NRIP3: variants seen among roughly 807,000 people sequenced by gnomAD.
NRIP3 encodes the protein nuclear receptor-interacting protein 3.
In NRIP3, 31 loss-of-function variants were observed where a neutral mutation model predicts 29.0. That is an observed-to-expected ratio of 1.07 (90% CI 0.80 to 1.44). The LOEUF is 1.44. NRIP3 is among the 40% of genes most tolerant of loss of function. The probability of loss-of-function intolerance (pLI) is 0.00; values close to 1 mark genes in which losing one functional copy is unlikely to be tolerated. For missense variants in NRIP3, 314 were observed against 297.9 expected (o/e 1.05, Z -0.40); for synonymous variants, 131 against 118.3 (o/e 1.11, Z -0.70).
chr11:8,991,414 A>T (rs1234446829), intron 1 of NRIP3, among the ~76,000 whole-genome samples: 2 of 152,248 alleles, frequency 1.3e-5, no homozygotes, highest in African/African-American at 2.4e-5. Flanking sequence ...CAACAAACCC[A>T]TATGAACCTC....
At chr11:8,992,481 G>C (rs2134919059) in intron 1 of NRIP3, among the ~76,000 whole-genome samples, 1 of 152,234 alleles carries the variant, frequency 6.6e-6, no homozygotes, top group East Asian at 1.9e-4. Context: ...TGAAATTTTG[G>C]AATAGCATTG....
rs768480250 is a variant in NRIP3, at chr11:8,988,186, G to C, written c.271C>G (p.Leu91Val). 4.3e-6 allele frequency: 7 copies of C among 1,614,068 alleles called. No individual in the cohort carries two copies. Among genetic ancestry groups the C allele is most frequent in the African/African-American group, 1.3e-5 (1 of 74,922 alleles). Residue 91 changes from leucine (L) to valine (V), a missense_variant, in exon 2 of 7, where the codon CTC (leucine) becomes GTC (valine). Leu to Val is a conservative substitution (Grantham distance 32). Transcript: ENST00000309166. ...RVPWASKTNKLNQAKSEGLKK... is the reference protein window; with the variant it reads ...RVPWASKTNKVNQAKSEGLKK... Reference sequence around the variant, plus strand: ...AGCCCCTCAGACTTAGCCTGATTGAGTTTGTTCGTCTTAGAGGCCCAAGGG... The same window carrying C: ...AGCCCCTCAGACTTAGCCTGATTGACTTTGTTCGTCTTAGAGGCCCAAGGG...
intron 1 of NRIP3, among the ~76,000 whole-genome samples, chr11:8,996,130 G>A (rs1854699637): frequency 6.6e-6 from 1 of 151,968 alleles, no homozygotes; most frequent in Non-Finnish European, 1.5e-5. Flanking sequence ...GTATTTACTT[G>A]TTTATATTTC....
At chr11:9,004,169 C>T, upstream of NRIP3, 2 of 365,054 alleles carry the variant, frequency 5.5e-6, no homozygotes, top group Non-Finnish European at 9.7e-6. Flanking sequence ...GCAAAGCCGG[C>T]GAGGAGGCGG....
chr11:8,994,755 C>G (rs1390321435), intron 1 of NRIP3, among the ~76,000 whole-genome samples: 1 of 152,184 alleles, frequency 6.6e-6, no homozygotes, highest in African/African-American at 2.4e-5. Flanking sequence ...CTGTTCCTGT[C>G]TCTCTCACTG....
rs1435920094 is a variant in NRIP3, at chr11:8,981,991, T to C, written c.*1554A>G. On this transcript the variant is annotated 3_prime_UTR_variant, in exon 7 of 7. Coordinates refer to ENST00000309166, the MANE Select transcript of NRIP3 (RefSeq NM_020645.3). ...GGCAGTTGCTGAACACCAGACAAGG[T>C]AGTTGGTAGTACTTGGCAAAGTTCA... 2 of 152,184 alleles carry C rather than the reference T, an allele frequency of 1.3e-5. No homozygotes were observed. Among genetic ancestry groups the C allele is most frequent in the Non-Finnish European group, 2.9e-5 (2 of 68,050 alleles). 9.4% of individuals were successfully genotyped at this position (152,184 alleles called of 1,614,324 possible). A position where few individuals can be genotyped will look rare whatever the true frequency, so the allele number is the denominator to read the frequency against.
intron 4 of NRIP3, 102 bp from the exon 5 acceptor site, chr11:8,984,226 A>C: frequency 1.3e-6 from 1 of 754,868 alleles, no homozygotes; most frequent in Non-Finnish European, 2.3e-6. Context: ...AATAACATCC[A>C]ATAAACATAT....
chr11:8,998,894 C>T (rs1266850322), intron 1 of NRIP3, among the ~76,000 whole-genome samples: 1 of 146,790 alleles, frequency 6.8e-6, no homozygotes, highest in East Asian at 2.2e-4. Flanking sequence ...CCTGGGTTCA[C>T]ACCATTCTCC....
chr11:9,000,298 A>G (rs1398355620), intron 1 of NRIP3, among the ~76,000 whole-genome samples: 2 of 152,192 alleles, frequency 1.3e-5, no homozygotes, highest in Non-Finnish European at 2.9e-5. Context: ...TCTTGGTGTT[A>G]TACTGGTATT....
chr11:9,004,130 C>G, upstream of NRIP3: 3 of 424,722 alleles, frequency 7.1e-6, no homozygotes, highest in African/African-American at 4.1e-5. Flanking sequence ...TCCCGCGTCC[C>G]GCGTCCCGCG....
chr11:9,002,633 A>C (rs1382161305), intron 1 of NRIP3, among the ~76,000 whole-genome samples: 1 of 150,750 alleles, frequency 6.6e-6, no homozygotes, highest in Non-Finnish European at 1.5e-5. Context: ...ATGGATGCAG[A>C]AGCTCTGCCC....
intron 1 of NRIP3, among the ~76,000 whole-genome samples, chr11:9,003,440 A>G (rs1854845774): frequency 6.6e-6 from 1 of 152,202 alleles, no homozygotes; most frequent in African/African-American, 2.4e-5. Context: ...CCCCGTGAAC[A>G]AAATTCGGTA....
chr11:8,995,580 C>T (rs1159997913), intron 1 of NRIP3, among the ~76,000 whole-genome samples: 1 of 152,192 alleles, frequency 6.6e-6, no homozygotes, highest in African/African-American at 2.4e-5. Context: ...CTAATCCAAA[C>T]CACTATAATT....
chr11:8,984,006 G>A, intron 5 of NRIP3, 37 bp from the exon 6 acceptor site: 2 of 1,604,092 alleles, frequency 1.2e-6, no homozygotes, highest in Non-Finnish European at 1.7e-6. Context: ...ACCACTATGA[G>A]TTCCTGTGTA....
At chr11:8,987,699 A>C in intron 2 of NRIP3, 69 bp from the exon 3 acceptor site, 1 of 1,157,806 alleles carries the variant, frequency 8.6e-7, no homozygotes. Flanking sequence ...GCAGACAGCA[A>C]GCAGCAGATG....
intron 1 of NRIP3, among the ~76,000 whole-genome samples, chr11:8,991,311 G>A (rs1240140327): frequency 6.6e-6 from 1 of 152,010 alleles, no homozygotes; most frequent in Non-Finnish European, 1.5e-5. Flanking sequence ...AAAACAAAAA[G>A]GCATTTTCTA....
chr11:8,986,654 T>G lies in NRIP3; in HGVS notation c.423-804A>C, dbSNP rs375023738. On this transcript the variant is annotated intron_variant, in intron 3 of 6. Coordinates refer to ENST00000309166, the MANE Select transcript of NRIP3 (RefSeq NM_020645.3). ...TCTGGAATCATGGCAGTCTGCTGCC[T>G]AATTATGCACCAGGACATTGTTAGT... Among the ~76,000 whole-genome samples, 278 of 152,358 alleles carry G rather than the reference T, an allele frequency of 1.8e-3. 1 individual carries two copies. Among genetic ancestry groups the G allele is most frequent in the African/African-American group, 6.3e-3 (263 of 41,584 alleles).
chr11:8,999,625 A>C (rs1383345847), intron 1 of NRIP3, among the ~76,000 whole-genome samples: 2 of 152,124 alleles, frequency 1.3e-5, no homozygotes, highest in African/African-American at 4.8e-5. Flanking sequence ...CTCCTACTAC[A>C]TCTCTGATGT....
intron 1 of NRIP3, among the ~76,000 whole-genome samples, chr11:8,993,455 T>C (rs1230598434): frequency 6.6e-6 from 1 of 152,148 alleles, no homozygotes; most frequent in Non-Finnish European, 1.5e-5. Context: ...AGAATGTTAG[T>C]ATAATAGAAG....
Sources: gnomAD v4.1 joint callset for allele counts (sites outside exome capture counted in the v4.1 genomes callset) on GRCh38, gnomAD v4.1.1 for gene constraint, MANE v1.5 for transcripts, NCBI Gene and HGNC (gene_info 2026-07-23, HGNC 2026-07-21) for gene names.